Variants in LTBP1 observed in about 807,000 individuals in gnomAD.
LTBP1 encodes the protein latent transforming growth factor beta binding protein 1, also known as latent-transforming growth factor beta-binding protein 1.
Under a neutral mutation model 207.6 loss-of-function variants are expected in LTBP1, and 129 were observed. The observed-to-expected ratio is 0.62, with a 90% CI of 0.54 to 0.72. The LOEUF (loss-of-function observed/expected upper bound fraction) is 0.72. LTBP1 is among the 30% of genes least tolerant of loss of function. The pLI is 0.00. For synonymous variants in LTBP1, 963 were observed against 833.7 expected (o/e 1.16, Z -2.67); for missense variants, 2,281 against 2,217.2 (o/e 1.03, Z -0.58).
chr2:33,353,944 C>A (rs1202644058), intron 26 of LTBP1, among the ~76,000 whole-genome samples: 6 of 151,284 alleles, frequency 4.0e-5, no homozygotes, highest in Non-Finnish European at 2.9e-5. Flanking sequence ...ACTGCAAGCT[C>A]TGCCTCCCAG....
intron 3 of LTBP1, among the ~76,000 whole-genome samples, chr2:33,089,744 G>A (rs1274605344): frequency 6.6e-6 from 1 of 152,166 alleles, no homozygotes; most frequent in African/African-American, 2.4e-5. Context: ...GGTTCCTGAC[G>A]TAAATTACTT....
chr2:32,981,591 G>A lies in LTBP1; in HGVS notation c.565+32646G>A, dbSNP rs368885303. Among the ~76,000 whole-genome samples, 12 of 152,226 alleles carry A rather than the reference G, an allele frequency of 7.9e-5. No individual in the cohort carries two copies. The East Asian group carries it at 9.6e-4, about 12-fold the overall frequency. The stretch of plus-strand genomic sequence containing the variant: ...AGTAGAAGCTCACATTTTATTTTTA[G>A]AACAATAAAACTACAAACATAAGCT... On this transcript the variant is annotated intron_variant, in intron 2 of 33. Transcript: ENST00000404816.
intron 2 of LTBP1, 52 bp from the exon 3 acceptor site, chr2:33,020,857 G>A (rs1337127878): frequency 6.7e-7 from 1 of 1,486,332 alleles, no homozygotes; most frequent in African/African-American, 1.4e-5. Flanking sequence ...GAAAAATTAG[G>A]AAGTCTACAA....
chr2:33,398,688 A>G lies in LTBP1; in HGVS notation c.*143A>G, dbSNP rs949205425. ...TGGAATTGCAAGTCCTCTGAAGACA[A>G]TGAGAGGATTTAGGATGAGCCCGAT... On this transcript the variant is annotated 3_prime_UTR_variant, in exon 34 of 34. Coordinates refer to ENST00000404816, the MANE Select transcript of LTBP1 (RefSeq NM_206943.4). 5 of 752,496 alleles carry G rather than the reference A, an allele frequency of 6.6e-6. No homozygotes were observed. The highest frequency in any genetic ancestry group is 2.2e-5 in the South Asian group (1 of 45,610). The allele number at this position is 752,496 out of a possible 1,614,324, so 46.6% of individuals were successfully genotyped here.
chr2:33,343,521 TCTAA>T (rs755650844), intron 25 of LTBP1, among the ~76,000 whole-genome samples: 23 of 152,192 alleles, frequency 1.5e-4, no homozygotes, highest in East Asian at 1.4e-3. Context: ...CTGTTTAAAC[TCTAA>T]CTGAGTATGC....
At chr2:32,948,368 G>A (rs1324443043) in intron 1 of LTBP1, among the ~76,000 whole-genome samples, 1 of 152,134 alleles carries the variant, frequency 6.6e-6, no homozygotes, top group Non-Finnish European at 1.5e-5. Context: ...GTTTTGGTTG[G>A]AATGTTTCTG....
At chr2:32,978,793 T>G (rs1682265269) in intron 2 of LTBP1, among the ~76,000 whole-genome samples, 1 of 152,024 alleles carries the variant, frequency 6.6e-6, no homozygotes, top group Admixed American at 6.5e-5. Context: ...GTATTAGTTC[T>G]TCTTTAAATG....
intron 2 of LTBP1, among the ~76,000 whole-genome samples, chr2:32,989,101 A>G (rs1684029482): frequency 6.6e-6 from 1 of 152,252 alleles, no homozygotes; most frequent in Non-Finnish European, 1.5e-5. Context: ...GAACATTGCT[A>G]TAACGGAGTC....
At chr2:33,035,020 A>T (rs1279616188) in intron 3 of LTBP1, among the ~76,000 whole-genome samples, 1 of 152,158 alleles carries the variant, frequency 6.6e-6, no homozygotes, top group African/African-American at 2.4e-5. Flanking sequence ...TGGCAGTGCA[A>T]CCTCGAACCA....
chr2:33,210,748 C>G (rs985876611), intron 7 of LTBP1, among the ~76,000 whole-genome samples: 11 of 152,180 alleles, frequency 7.2e-5, no homozygotes, highest in African/African-American at 2.7e-4. Flanking sequence ...TACCCTCCTC[C>G]GTTGCCACTG....
chr2:33,151,192 A>G (rs1029527878), intron 5 of LTBP1, among the ~76,000 whole-genome samples: 1 of 152,162 alleles, frequency 6.6e-6, no homozygotes, highest in Non-Finnish European at 1.5e-5. Flanking sequence ...TGCTATTGAA[A>G]ATAATGTTGC....
At chr2:32,965,832 T>C (rs779733534) in intron 2 of LTBP1, among the ~76,000 whole-genome samples, 6 of 152,226 alleles carry the variant, frequency 3.9e-5, no homozygotes, top group Non-Finnish European at 7.3e-5. Flanking sequence ...AACACTTTTG[T>C]GTAAATACCA....
chr2:33,228,051 C>T (rs892755341), intron 9 of LTBP1, among the ~76,000 whole-genome samples: 1 of 151,856 alleles, frequency 6.6e-6, no homozygotes, highest in Non-Finnish European at 1.5e-5. Flanking sequence ...GTGATCCGCC[C>T]GCCTCGGCCT....
intron 2 of LTBP1, among the ~76,000 whole-genome samples, chr2:32,975,606 T>G (rs909979022): frequency 1.5e-5 from 2 of 132,952 alleles, no homozygotes; most frequent in Admixed American, 7.7e-5. Context: ...TTTTTTTTTT[T>G]TTTTTTTTTT....
At chr2:33,291,699 TCTC>T (rs1480603788) in intron 19 of LTBP1, 2 of 152,376 alleles carry the variant, frequency 1.3e-5, no homozygotes, top group African/African-American at 4.8e-5. Flanking sequence ...CCTTGGCTCT[TCTC>T]AGTATGTGCA....
intron 2 of LTBP1, among the ~76,000 whole-genome samples, chr2:32,982,810 G>A (rs1022283557): frequency 2.0e-5 from 3 of 152,198 alleles, no homozygotes; most frequent in Non-Finnish European, 2.9e-5. Flanking sequence ...GGGAACCTCC[G>A]CCTAGATTTC....
intron 22 of LTBP1, among the ~76,000 whole-genome samples, chr2:33,302,079 A>G (rs57189309): frequency 0.072 from 10,950 of 152,282 alleles, 617 homozygotes; most frequent in African/African-American, 0.15. Flanking sequence ...TTTCTGAAAG[A>G]TATCCCACAT....
rs2148149534 is a variant in LTBP1, at chr2:32,947,300, C to T, written c.-25C>T. On this transcript the variant is annotated 5_prime_UTR_variant, in exon 1 of 34. Coordinates refer to ENST00000404816, the MANE Select transcript of LTBP1 (RefSeq NM_206943.4). The stretch of plus-strand genomic sequence containing the variant: ...GGGGAGGGGGCCGGACCGCGCGCGA[C>T]CGGTCGCGCCCGCTGGGGCCCGCGA... 8.2e-7 allele frequency: 1 copy of T among 1,218,944 alleles called. No individual in the cohort carries two copies. Among genetic ancestry groups the T allele is most frequent in the East Asian group, 3.4e-5 (1 of 29,702 alleles). 75.5% of individuals were successfully genotyped at this position (1,218,944 alleles called of 1,614,324 possible). A position where few individuals can be genotyped will look rare whatever the true frequency, so the allele number is the denominator to read the frequency against.
chr2:33,385,400 C>A (rs182913308), intron 31 of LTBP1, among the ~76,000 whole-genome samples: 1 of 152,178 alleles, frequency 6.6e-6, no homozygotes, highest in Non-Finnish European at 1.5e-5. Context: ...ATAATACTGT[C>A]TTTAAAAAAA....
Sources: allele counts gnomAD v4.1 joint callset (sites outside exome capture counted in the v4.1 genomes callset), GRCh38; gene constraint gnomAD v4.1.1; transcripts MANE v1.5; gene names NCBI Gene and HGNC (gene_info 2026-07-23, HGNC 2026-07-21).